Variants in PPP3CA observed in about 807,000 individuals in gnomAD.
PPP3CA encodes the protein CAM-PRP catalytic subunit.
Under a neutral mutation model 66.5 loss-of-function variants are expected in PPP3CA, and 14 were observed. The observed-to-expected ratio is 0.21, with a 90% CI of 0.14 to 0.33. The LOEUF (loss-of-function observed/expected upper bound fraction) is 0.33. PPP3CA is among the 10% of genes least tolerant of loss of function. The pLI, the probability that PPP3CA is intolerant of heterozygous loss-of-function variation, is 1.00. For synonymous variants in PPP3CA, 232 were observed against 226.2 expected (o/e 1.03, Z -0.23); for missense variants, 317 against 639.5 (o/e 0.50, Z 5.44).
chr4:101,146,560 A>G (rs1263538127), intron 2 of PPP3CA, among the ~76,000 whole-genome samples: 1 of 151,902 alleles, frequency 6.6e-6, no homozygotes, highest in East Asian at 1.9e-4. Flanking sequence ...CTTCTGCCTC[A>G]GCCTCCCAAG....
At chr4:101,043,224 T>C (rs1289177299) in intron 10 of PPP3CA, among the ~76,000 whole-genome samples, 1 of 152,000 alleles carries the variant, frequency 6.6e-6, no homozygotes, top group African/African-American at 2.4e-5. Context: ...AAAATATATA[T>C]GAAGAATAAT....
At chr4:101,204,509 G>A (rs939034334) in intron 1 of PPP3CA, among the ~76,000 whole-genome samples, 47 of 151,750 alleles carry the variant, frequency 3.1e-4, no homozygotes, top group Admixed American at 2.9e-3. Context: ...GGTGGCAGGC[G>A]CCTGTAGTCC....
rs190757060 is a variant in PPP3CA at position 101,072,220 on chromosome 4, A to G, written c.955+8312T>C. ...GTATTTGGATGCATAACACTCAGGT[A>G]ATTTTAAAGTGATAACAAATGACTC... On this transcript the variant is annotated intron_variant, in intron 8 of 13. Coordinates refer to ENST00000394854, the MANE Select transcript of PPP3CA (RefSeq NM_000944.5). Among the ~76,000 whole-genome samples the G allele has an allele frequency of 2.6e-5, 4 of 152,354 alleles. No individual in the cohort carries two copies. The East Asian group carries it at 7.7e-4, about 29-fold the overall frequency.
chr4:101,212,622 T>C (rs891276844), intron 1 of PPP3CA, among the ~76,000 whole-genome samples: 4 of 151,982 alleles, frequency 2.6e-5, no homozygotes, highest in Non-Finnish European at 5.9e-5. Flanking sequence ...AATTTAAAAG[T>C]TGAAGGGGGA....
intron 2 of PPP3CA, among the ~76,000 whole-genome samples, chr4:101,137,247 T>C (rs916720793): frequency 6.6e-6 from 1 of 152,084 alleles, no homozygotes; most frequent in African/African-American, 2.4e-5. Flanking sequence ...TTATCTACAG[T>C]AGAAGATTGC....
rs550478154 is a variant in PPP3CA, at chr4:101,189,224, T to C, written c.259+6692A>G. ...CATATATAAACACATACTCTAGAGG[T>C]TTTCGTATATTTCCATTATATTATT... On this transcript the variant is annotated intron_variant, in intron 2 of 13. Coordinates refer to ENST00000394854, the MANE Select transcript of PPP3CA (RefSeq NM_000944.5). Among the ~76,000 whole-genome samples, 5 of 152,000 alleles carry C rather than the reference T, an allele frequency of 3.3e-5. No homozygotes were observed. In the South Asian group the frequency reaches 8.3e-4, roughly 25 times the overall value.
Position 101,323,832 on chromosome 4 carries a change from G to T in PPP3CA, c.58+22907C>A, listed in dbSNP as rs1181799749. On this transcript the variant is annotated intron_variant, in intron 1 of 13. Coordinates refer to ENST00000394854, the MANE Select transcript of PPP3CA (RefSeq NM_000944.5). Reference sequence around the variant, plus strand: ...TAATGACAAGAAAATGGAGGCACAAGGCCGGGCATGGTGGCTCATGCCTCC... The same window carrying T: ...TAATGACAAGAAAATGGAGGCACAATGCCGGGCATGGTGGCTCATGCCTCC... Among the ~76,000 whole-genome samples, 5 of 152,250 alleles carry T rather than the reference G, an allele frequency of 3.3e-5. No individual in the cohort carries two copies. In the South Asian group the frequency reaches 1.0e-3, roughly 32 times the overall value.
At chr4:101,284,827 T>A (rs1056738460) in intron 1 of PPP3CA, among the ~76,000 whole-genome samples, 4 of 152,208 alleles carry the variant, frequency 2.6e-5, no homozygotes, top group African/African-American at 7.2e-5. Context: ...AGAACCTTTA[T>A]GTTCAAATAT....
At chr4:101,132,928 T>C (rs1211856499) in intron 2 of PPP3CA, among the ~76,000 whole-genome samples, 1 of 152,222 alleles carries the variant, frequency 6.6e-6, no homozygotes, top group Non-Finnish European at 1.5e-5. Context: ...ATCCCTGGGA[T>C]GCAAGGCTGG....
At chr4:101,182,611 A>T (rs1724275845) in intron 2 of PPP3CA, among the ~76,000 whole-genome samples, 1 of 152,182 alleles carries the variant, frequency 6.6e-6, no homozygotes, top group Non-Finnish European at 1.5e-5. Flanking sequence ...GGAAAAGAAC[A>T]GGGTTTGCGG....
At chr4:101,095,081 T>C (rs1730134862) in intron 5 of PPP3CA, among the ~76,000 whole-genome samples, 1 of 152,094 alleles carries the variant, frequency 6.6e-6, no homozygotes, top group South Asian at 2.1e-4. Context: ...ATGTTTTCAA[T>C]ACCCAATGAA....
intron 10 of PPP3CA, among the ~76,000 whole-genome samples, chr4:101,041,630 C>T (rs1727526970): frequency 6.6e-6 from 1 of 151,822 alleles, no homozygotes. Flanking sequence ...AGACAGGCTT[C>T]ACCAGGTTGG....
intron 13 of PPP3CA, among the ~76,000 whole-genome samples, chr4:101,027,190 T>C (rs919317134): frequency 1.2e-4 from 18 of 152,092 alleles, no homozygotes; most frequent in Admixed American, 9.2e-4. Context: ...CAATGCTCAA[T>C]TGGGCTGCAT....
chr4:101,121,412 A>T (rs1485607691), intron 2 of PPP3CA, among the ~76,000 whole-genome samples: 1 of 152,124 alleles, frequency 6.6e-6, no homozygotes, highest in Non-Finnish European at 1.5e-5. Context: ...AAAATTTTAG[A>T]TGTTCTTAAT....
At chr4:101,036,360 T>C (rs1458912439) in intron 11 of PPP3CA, among the ~76,000 whole-genome samples, 4 of 152,216 alleles carry the variant, frequency 2.6e-5, no homozygotes, top group Admixed American at 2.6e-4. Context: ...CAGCTTACAT[T>C]GCTGTACTCT....
chr4:101,274,513 A>C (rs1465062080), intron 1 of PPP3CA, among the ~76,000 whole-genome samples: 2 of 152,242 alleles, frequency 1.3e-5, no homozygotes, highest in African/African-American at 4.8e-5. Context: ...TTTATGGCAA[A>C]CTTATTCTGT....
At chr4:101,144,485 T>C (rs1220690263) in intron 2 of PPP3CA, among the ~76,000 whole-genome samples, 7 of 152,204 alleles carry the variant, frequency 4.6e-5, no homozygotes, top group Non-Finnish European at 1.0e-4. Flanking sequence ...GGTAAGCTGC[T>C]ATTTGTCCTT....
chr4:101,041,351 C>T, intron 10 of PPP3CA, among the ~76,000 whole-genome samples: 1 of 151,018 alleles, frequency 6.6e-6, no homozygotes. Flanking sequence ...AGTAATACTT[C>T]AATGAGCCCA....
chr4:101,051,194 G>A (rs1727993259), intron 10 of PPP3CA, among the ~76,000 whole-genome samples: 1 of 151,976 alleles, frequency 6.6e-6, no homozygotes, highest in Admixed American at 6.6e-5. Flanking sequence ...AGAATAAAGA[G>A]GAAAAAATTA....
Sources: allele counts gnomAD v4.1 joint callset (sites outside exome capture counted in the v4.1 genomes callset), GRCh38; gene constraint gnomAD v4.1.1; transcripts MANE v1.5; gene names NCBI Gene and HGNC (gene_info 2026-07-23, HGNC 2026-07-21).